The following CEMIP variants were observed in gnomAD, a reference collection of about 807,000 sequenced individuals.
CEMIP encodes cell migration inducing hyaluronidase 1.
In CEMIP, 105 loss-of-function variants were observed where a neutral mutation model predicts 156.9. That is an observed-to-expected ratio of 0.67 (90% CI 0.57 to 0.79). The LOEUF (loss-of-function observed/expected upper bound fraction) is 0.79. Among genes scored for constraint, CEMIP ranks in the 30% least tolerant of loss-of-function variants. The pLI, the probability that CEMIP is intolerant of heterozygous loss-of-function variation, is 0.00. For synonymous variants in CEMIP, 676 were observed against 668.4 expected (o/e 1.01, Z -0.17); for missense variants, 1,457 against 1,769.4 (o/e 0.82, Z 3.17).
rs768964993 is a variant in CEMIP, at chr15:80,950,773, G to A, written c.*1849G>A. ...GAGCCCAAAGAGCTCCTGTAAGAGG[G>A]AGAACTCTATCTGTGGTTTATAATC... On this transcript the variant is annotated 3_prime_UTR_variant, in exon 30 of 30. Coordinates refer to ENST00000394685, the MANE Select transcript of CEMIP (RefSeq NM_001293298.2). 1 of 152,670 alleles carries A rather than the reference G, an allele frequency of 6.6e-6. No homozygotes were observed. The highest frequency in any genetic ancestry group is 1.5e-5 in the Non-Finnish European group (1 of 68,126). The allele number at this position is 152,670 out of a possible 1,614,324, so 9.5% of individuals were successfully genotyped here. A position where few individuals can be genotyped will look rare whatever the true frequency, so the allele number is the denominator to read the frequency against.
chr15:80,878,956 A>G, intron 4 of CEMIP, 89 bp downstream of exon 4: 1 of 1,469,488 alleles, frequency 6.8e-7, no homozygotes, highest in Non-Finnish European at 9.5e-7. Flanking sequence ...GCTCAGATGG[A>G]CAGAATAAAC....
intron 1 of CEMIP, among the ~76,000 whole-genome samples, chr15:80,863,678 A>G (rs1002953352): frequency 6.6e-6 from 1 of 152,180 alleles, no homozygotes; most frequent in Non-Finnish European, 1.5e-5. Flanking sequence ...TCTGGAAGAG[A>G]AAAAACATTG....
chr15:80,889,332 TC>T, intron 9 of CEMIP, 138 bp from the exon 10 acceptor site: 1 of 1,168,716 alleles, frequency 8.6e-7, no homozygotes. Flanking sequence ...ATTAGAGCCA[TC>T]CATGCCCCAG....
Position 80,933,295 on chromosome 15 carries a change from G to A in CEMIP, c.2844G>A (p.Leu948=), listed in dbSNP as rs779617572. 8 of 1,614,060 alleles carry A rather than the reference G, an allele frequency of 5.0e-6. No homozygotes were observed. In the Admixed American group the frequency reaches 5.0e-5, roughly 10 times the overall value. ...AGCCTGGGCCCTGGTTCAACCAGCT[G>A]GACATGGATGGGGATAAGACATCTG... ...FGEPGPWFNQ[L]DMDGDKTSVF... The change falls in exon 23 of 30, where the codon CTG becomes CTA. Residue 948 remains leucine, a synonymous_variant. Coordinates refer to ENST00000394685, the MANE Select transcript of CEMIP (RefSeq NM_001293298.2).
At chr15:80,882,139 G>C (rs1023358601) in intron 6 of CEMIP, among the ~76,000 whole-genome samples, 2 of 152,180 alleles carry the variant, frequency 1.3e-5, no homozygotes, top group Non-Finnish European at 2.9e-5. Flanking sequence ...AGCCAGCTAC[G>C]GTCAGGGGCA....
At position 80,873,626 on chromosome 15, in the gene CEMIP, G is replaced by A. The variant is rs1898367577; in HGVS notation, c.-87G>A. The A allele has an allele frequency of 7.8e-6, 4 of 511,326 alleles. No homozygotes were observed. Among genetic ancestry groups the A allele is most frequent in the African/African-American group, 1.9e-5 (1 of 51,862 alleles). The allele number at this position is 511,326 out of a possible 1,614,324, so 31.7% of individuals were successfully genotyped here. A position where few individuals can be genotyped will look rare whatever the true frequency, so the allele number is the denominator to read the frequency against. On this transcript the variant is annotated 5_prime_UTR_variant, in exon 2 of 30. Coordinates refer to ENST00000394685, the MANE Select transcript of CEMIP (RefSeq NM_001293298.2). Reference sequence around the variant, plus strand: ...TCGGTCTCTGAGCTGCAGGACACAGGCAGGACAACGGTAGGATTTTCATGC... The same window carrying A: ...TCGGTCTCTGAGCTGCAGGACACAGACAGGACAACGGTAGGATTTTCATGC...
chr15:80,783,528 G>A (rs1459261954), intron 1 of CEMIP, among the ~76,000 whole-genome samples: 1 of 152,224 alleles, frequency 6.6e-6, no homozygotes, highest in Admixed American at 6.5e-5. Flanking sequence ...GCAGGAGGCT[G>A]GAAGTGGCAG....
At chr15:80,925,430 G>A (rs1900621120) in intron 18 of CEMIP, among the ~76,000 whole-genome samples, 194 bp from the exon 19 acceptor site, 2 of 152,250 alleles carry the variant, frequency 1.3e-5, no homozygotes, top group Admixed American at 1.3e-4. Context: ...TGGGCTGGTG[G>A]AGGAGTGACT....
intron 12 of CEMIP, among the ~76,000 whole-genome samples, chr15:80,899,452 A>C (rs1490283702): frequency 6.6e-6 from 1 of 152,166 alleles, no homozygotes; most frequent in Non-Finnish European, 1.5e-5. Flanking sequence ...GGGAGTATAG[A>C]AAAGGGAGAT....
At chr15:80,822,526 C>T (rs1164300851) in intron 1 of CEMIP, among the ~76,000 whole-genome samples, 2 of 152,158 alleles carry the variant, frequency 1.3e-5, no homozygotes, top group African/African-American at 4.8e-5. Flanking sequence ...CTTATGCAGG[C>T]TCTGTTTTCA....
chr15:80,782,625 G>A (rs181345261), intron 1 of CEMIP, among the ~76,000 whole-genome samples: 39 of 152,114 alleles, frequency 2.6e-4, no homozygotes, highest in African/African-American at 6.8e-4. Context: ...GTGTGTGTGC[G>A]TGCATGTGAG....
chr15:80,900,644 GTGTGTC>G lies in CEMIP; in HGVS notation c.1411+4590_1411+4595del, dbSNP rs1899474522. The stretch of plus-strand genomic sequence containing the variant: ...TGTGTGTGTGTGTGTGTGTGTGTGT[GTGTGTC>G]TGTGTGTGTGTCTGTGTGTGTGTGT... On this transcript the variant is annotated intron_variant, in intron 12 of 29. Transcript: ENST00000394685. Among the ~76,000 whole-genome samples, 147 of 124,498 alleles carry G rather than the reference GTGTGTC, an allele frequency of 1.2e-3. 1 individual carries two copies. Among genetic ancestry groups the G allele is most frequent in the Middle Eastern group, 4.2e-3 (1 of 238 alleles). 81.7% of individuals were successfully genotyped at this position (124,498 alleles called of 152,430 possible). A position where few individuals can be genotyped will look rare whatever the true frequency, so the allele number is the denominator to read the frequency against.
intron 29 of CEMIP, chr15:80,947,374 T>C: frequency 5.3e-6 from 2 of 374,182 alleles, no homozygotes; most frequent in East Asian, 5.9e-5. Flanking sequence ...ATAAGAAAAG[T>C]GGCTTAGTCT....
intron 1 of CEMIP, among the ~76,000 whole-genome samples, chr15:80,830,066 A>G (rs770733315): frequency 4.0e-5 from 6 of 150,968 alleles, no homozygotes; most frequent in Non-Finnish European, 7.4e-5. Flanking sequence ...CTCCTAACCC[A>G]GTTTTTATGT....
chr15:80,933,418 T>G lies in CEMIP; in HGVS notation c.2967T>G (p.Val989=), dbSNP rs761659144. ...TCCGGCACCCAGACTGCATCAATGTTCCCGACTGGAGAGGGGCCATTTGCA... is the reference window on the plus strand; with the variant it reads ...TCCGGCACCCAGACTGCATCAATGTGCCCGACTGGAGAGGGGCCATTTGCA... ...WLVRHPDCIN[V]PDWRGAICSG... The change falls in exon 23 of 30, where the codon GTT becomes GTG. Residue 989 remains valine (V), a synonymous_variant. Coordinates refer to ENST00000394685, the MANE Select transcript of CEMIP (RefSeq NM_001293298.2). 3 of 1,614,078 alleles carry G rather than the reference T, an allele frequency of 1.9e-6. No individual in the cohort carries two copies. The South Asian group carries it at 3.3e-5, about 18-fold the overall frequency.
At chr15:80,860,486 G>A (rs1337694293) in intron 1 of CEMIP, among the ~76,000 whole-genome samples, 1 of 152,204 alleles carries the variant, frequency 6.6e-6, no homozygotes, top group African/African-American at 2.4e-5. Flanking sequence ...TAGTGTGAAA[G>A]CCATGGATGG....
rs1403934850 is a variant in CEMIP, at chr15:80,932,411, A to G, written c.2793+372A>G. The stretch of plus-strand genomic sequence containing the variant: ...GCACAAAGAATCTAACAAGCCCCAC[A>G]GTTTCCAAGGGAAGTCTTAGCTGAT... On this transcript the variant is annotated intron_variant, in intron 22 of 29. Transcript: ENST00000394685. This position sits in a 1 kb window ranked among gnomAD's most constrained non-coding sequence, Gnocchi z 4.5. 6.6e-6 allele frequency among the ~76,000 whole-genome samples: 1 copy of G among 152,188 alleles called. No homozygotes were observed. Among genetic ancestry groups the G allele is most frequent in the Non-Finnish European group, 1.5e-5 (1 of 68,032 alleles).
chr15:80,844,274 G>A (rs1025176337), intron 1 of CEMIP, among the ~76,000 whole-genome samples: 40 of 152,176 alleles, frequency 2.6e-4, no homozygotes, highest in African/African-American at 3.1e-4. Flanking sequence ...CAGCTGCCTC[G>A]GGGCCTCTCT....
At chr15:80,927,514 G>A (rs562094961) in intron 19 of CEMIP, among the ~76,000 whole-genome samples, 8 of 152,170 alleles carry the variant, frequency 5.3e-5, no homozygotes, top group Non-Finnish European at 5.9e-5. Context: ...CTGGTTATTG[G>A]GCATTTCAGA....
Sources: gnomAD v4.1 joint callset for allele counts (sites outside exome capture counted in the v4.1 genomes callset) on GRCh38, gnomAD v4.1.1 for gene constraint, Gnocchi (gnomAD v3.1) non-coding constraint, MANE v1.5 for transcripts, NCBI Gene and HGNC (gene_info 2026-07-23, HGNC 2026-07-21) for gene names.